The following FHIT variants were observed in gnomAD, a reference collection of about 807,000 sequenced individuals.
FHIT encodes the protein bis(5'-adenosyl)-triphosphatase.
A neutral mutation model predicts 17.9 loss-of-function variants in FHIT; 19 were observed. The observed-to-expected ratio is 1.06, with a 90% CI of 0.74 to 1.56. The LOEUF is 1.56. FHIT is among the 40% of genes most tolerant of loss of function. FHIT has a pLI of 0.00. For synonymous variants in FHIT, 81 were observed against 69.7 expected, an observed-to-expected ratio of 1.16 and a Z score of -0.81; for missense variants, 248 against 189.2, an observed-to-expected ratio of 1.31 and a Z score of -1.82.
intron 4 of FHIT, among the ~76,000 whole-genome samples, chr3:60,678,831 C>A (rs2040681564): frequency 6.6e-6 from 1 of 151,956 alleles, no homozygotes; most frequent in Admixed American, 6.6e-5. Flanking sequence ...TTTCTAAGAA[C>A]AAGATTTACC....
chr3:60,944,165 C>T (rs1708542769), intron 3 of FHIT, among the ~76,000 whole-genome samples: 1 of 152,196 alleles, frequency 6.6e-6, no homozygotes, highest in Non-Finnish European at 1.5e-5. Flanking sequence ...CTTTACCCTA[C>T]AGCTCAGTGT....
intron 3 of FHIT, among the ~76,000 whole-genome samples, chr3:60,978,762 G>T (rs1180184976): frequency 1.3e-5 from 2 of 152,142 alleles, no homozygotes; most frequent in African/African-American, 4.8e-5. Flanking sequence ...TGACTAAAGA[G>T]CCTAAAGCAC....
intron 4 of FHIT, among the ~76,000 whole-genome samples, chr3:60,574,190 C>T (rs919612792): frequency 1.3e-5 from 2 of 152,056 alleles, no homozygotes. Context: ...TACAAAGAGC[C>T]AGGAGTTTGG....
intron 4 of FHIT, among the ~76,000 whole-genome samples, chr3:60,793,931 G>T (rs544382094): frequency 3.3e-5 from 5 of 152,270 alleles, no homozygotes; most frequent in African/African-American, 4.8e-5. Flanking sequence ...CTGGGGCAGG[G>T]CTCACAGATA....
rs377255790 is a variant in FHIT, at chr3:60,434,076, A to G, written c.103+102784T>C. ...TAAATCTTTGTTTCACTTTGAGCTT[A>G]TTTTTATGTACCACAGAATACATTA... On this transcript the variant is annotated intron_variant, in intron 5 of 9. Transcript: ENST00000492590. Among the ~76,000 whole-genome samples, 357 of 152,100 alleles carry G rather than the reference A, an allele frequency of 2.3e-3. 5 individuals are homozygous for G. The highest frequency in any genetic ancestry group is 0.01 in the Middle Eastern group (3 of 294).
chr3:60,673,470 AC>A (rs1553694515), intron 4 of FHIT, among the ~76,000 whole-genome samples: 1 of 151,978 alleles, frequency 6.6e-6, no homozygotes, highest in African/African-American at 2.4e-5. Context: ...ACCAATGAGA[AC>A]ACATGGCCAC....
intron 5 of FHIT, among the ~76,000 whole-genome samples, chr3:60,422,676 T>C (rs750774948): frequency 2.0e-5 from 3 of 152,128 alleles, no homozygotes; most frequent in Non-Finnish European, 4.4e-5. Flanking sequence ...CATTTCGTAA[T>C]GGAGAAAAAA....
rs1576910337 is a variant in FHIT, at chr3:60,575,722, G to A, written c.-17-38743C>T. The stretch of plus-strand genomic sequence containing the variant: ...ATGCAAGAACATACTGCTCCTATAA[G>A]TTAAGAACAGGTTGTTTGTTCATCA... On this transcript the variant is annotated intron_variant, in intron 4 of 9. Coordinates refer to ENST00000492590, the MANE Select transcript of FHIT (RefSeq NM_002012.4). Among the ~76,000 whole-genome samples the A allele has an allele frequency of 5.3e-5, 8 of 152,286 alleles. 2 individuals are homozygous for A. Among genetic ancestry groups the A allele is most frequent in the Admixed American group, 5.2e-4 (8 of 15,284 alleles).
intron 5 of FHIT, among the ~76,000 whole-genome samples, chr3:60,074,937 G>C (rs946840602): frequency 9.9e-5 from 15 of 151,956 alleles, no homozygotes; most frequent in African/African-American, 3.1e-4. Context: ...CCTTTCACTG[G>C]ATCCAAGACA....
At chr3:60,480,109 C>A (rs558746831) in intron 5 of FHIT, among the ~76,000 whole-genome samples, 86 of 152,196 alleles carry the variant, frequency 5.7e-4, no homozygotes, top group African/African-American at 1.9e-3. Flanking sequence ...ACAATCACGG[C>A]AGAAGGCAAA....
rs554660836 is a variant in FHIT, at chr3:60,933,313, G to T, written c.-111+108734C>A. On this transcript the variant is annotated intron_variant, in intron 3 of 9. Transcript: ENST00000492590. ...AGTGTCAGTAGTTACGTTTTAAAAAGTTAAAAGAAACCAGTGAAATTCATT... is the reference window on the plus strand; with the variant it reads ...AGTGTCAGTAGTTACGTTTTAAAAATTTAAAAGAAACCAGTGAAATTCATT... Among the ~76,000 whole-genome samples the T allele has an allele frequency of 2.0e-5, 3 of 152,282 alleles. No individual in the cohort carries two copies. The South Asian group carries it at 6.2e-4, about 32-fold the overall frequency.
At chr3:60,357,331 G>A (rs145799207) in intron 5 of FHIT, among the ~76,000 whole-genome samples, 3 of 151,962 alleles carry the variant, frequency 2.0e-5, no homozygotes, top group Admixed American at 1.3e-4. Context: ...CTCCTGCCTC[G>A]GCCTCTTGAG....
At chr3:60,694,252 C>T (rs1232700999) in intron 4 of FHIT, among the ~76,000 whole-genome samples, 1 of 151,340 alleles carries the variant, frequency 6.6e-6, no homozygotes, top group Non-Finnish European at 1.5e-5. Flanking sequence ...TCAGAAAACC[C>T]GATGCTCTCT....
intron 3 of FHIT, among the ~76,000 whole-genome samples, chr3:60,892,978 A>G (rs886523088): frequency 1.1e-4 from 16 of 152,172 alleles, no homozygotes; most frequent in African/African-American, 3.9e-4. Flanking sequence ...ATTTTCTGCA[A>G]TGGGTACATA....
chr3:60,746,442 C>A (rs1001851385), intron 4 of FHIT, among the ~76,000 whole-genome samples: 2 of 152,146 alleles, frequency 1.3e-5, no homozygotes, highest in Non-Finnish European at 2.9e-5. Context: ...GCTTCAGGAG[C>A]GACAGCAGCG....
chr3:60,039,199 G>C (rs1701340642), intron 5 of FHIT, among the ~76,000 whole-genome samples: 1 of 152,112 alleles, frequency 6.6e-6, no homozygotes, highest in Non-Finnish European at 1.5e-5. Context: ...ATATTGCCTT[G>C]AGGTTCCCAA....
chr3:60,854,940 A>T (rs1051827205), intron 3 of FHIT, among the ~76,000 whole-genome samples: 1 of 152,152 alleles, frequency 6.6e-6, no homozygotes, highest in African/African-American at 2.4e-5. Flanking sequence ...TGGTGAGCAG[A>T]CATGGCTAAG....
intron 2 of FHIT, among the ~76,000 whole-genome samples, chr3:61,176,611 G>C (rs1003361341): frequency 2.0e-5 from 3 of 152,052 alleles, no homozygotes; most frequent in African/African-American, 7.2e-5. Context: ...TCCACCTCGA[G>C]GTTAACCTGA....
At chr3:61,041,882 G>C (rs1048810458) in intron 3 of FHIT, among the ~76,000 whole-genome samples, 165 bp downstream of exon 3, 1 of 152,150 alleles carries the variant, frequency 6.6e-6, no homozygotes, top group Non-Finnish European at 1.5e-5. Flanking sequence ...GTTCTTGAAA[G>C]TATAGTGCAG....
Sources: gnomAD v4.1 joint callset for allele counts (sites outside exome capture counted in the v4.1 genomes callset) on GRCh38, gnomAD v4.1.1 for gene constraint, MANE v1.5 for transcripts, NCBI Gene and HGNC (gene_info 2026-07-23, HGNC 2026-07-21) for gene names.